The following SYTL2 variants were observed in gnomAD, a reference collection of about 807,000 sequenced individuals.
SYTL2 encodes the protein synaptotagmin-like protein 2.
SYTL2 carries 165 observed loss-of-function variants against 198.7 expected under a neutral mutation model. The observed-to-expected ratio is 0.83, with a 90% CI of 0.73 to 0.94. The LOEUF (loss-of-function observed/expected upper bound fraction) is 0.94, where lower values mean the gene tolerates loss of function less well. SYTL2 is among the 40% of genes least tolerant of loss of function. The probability of loss-of-function intolerance (pLI) is 0.00; values close to 1 mark genes in which losing one functional copy is unlikely to be tolerated. For synonymous variants in SYTL2, 966 were observed against 917.7 expected (o/e 1.05, Z -0.95); for missense variants, 2,835 against 2,582.8 (o/e 1.10, Z -2.12).
chr11:85,817,643 G>A, the SYTL2 span, among the ~76,000 whole-genome samples: 1 of 152,142 alleles, frequency 6.6e-6, no homozygotes, highest in Non-Finnish European at 1.5e-5. Context: ...CTTGGGAGAA[G>A]AGGCAGTCAG....
intron 1 of SYTL2, among the ~76,000 whole-genome samples, chr11:85,776,700 C>T (rs1433457391): frequency 6.6e-6 from 1 of 152,124 alleles, no homozygotes; most frequent in Non-Finnish European, 1.5e-5. Context: ...AATAGTGATG[C>T]AATAAACATG....
the SYTL2 span, among the ~76,000 whole-genome samples, chr11:85,824,346 A>G: frequency 5.9e-5 from 9 of 152,080 alleles, no homozygotes; most frequent in African/African-American, 2.2e-4. Flanking sequence ...GGAGGGAAGG[A>G]ACATTTATAC....
chr11:85,814,584 G>A (rs2093059350), upstream of SYTL2, among the ~76,000 whole-genome samples: 1 of 152,160 alleles, frequency 6.6e-6, no homozygotes, highest in Non-Finnish European at 1.5e-5. Flanking sequence ...AATATTGTTT[G>A]CAGAATTGAG....
intron 1 of SYTL2, among the ~76,000 whole-genome samples, chr11:85,804,561 T>A (rs1190978689): frequency 3.9e-5 from 6 of 152,162 alleles, no homozygotes; most frequent in African/African-American, 1.4e-4. Context: ...CAATAATAGA[T>A]TATTGTGAGG....
intron 7 of SYTL2, among the ~76,000 whole-genome samples, chr11:85,729,153 AC>A (rs759217616): frequency 3.3e-5 from 5 of 152,124 alleles, no homozygotes; most frequent in Non-Finnish European, 5.9e-5. Flanking sequence ...AGACTTTAAC[AC>A]CCCACTGTCA....
At position 85,810,949 on chromosome 11, in the gene SYTL2, C is replaced by G. The variant is rs2093024113; in HGVS notation, c.-390+5G>C. On this transcript the variant is annotated splice_donor_5th_base_variant and intron_variant, in intron 1 of 19. Transcript: ENST00000359152. ...CCAAGTAGAGACTGGAACCCGAGTG[C>G]GCACCTCCGAGTCGCTGCCGGGCAG... 6.6e-6 allele frequency: 1 copy of G among 152,220 alleles called. No individual in the cohort carries two copies. Among genetic ancestry groups the G allele is most frequent in the African/African-American group, 2.4e-5 (1 of 41,448 alleles). The allele number at this position is 152,220 out of a possible 1,614,324, so 9.4% of individuals were successfully genotyped here.
At chr11:85,773,918 T>C (rs1006451839) in intron 1 of SYTL2, among the ~76,000 whole-genome samples, 1 of 152,016 alleles carries the variant, frequency 6.6e-6, no homozygotes, top group Non-Finnish European at 1.5e-5. Flanking sequence ...ACCATAGTTC[T>C]TAAAAAGGCA....
At chr11:85,752,764 T>G (rs2091590193) in intron 2 of SYTL2, among the ~76,000 whole-genome samples, 1 of 151,706 alleles carries the variant, frequency 6.6e-6, no homozygotes, top group Admixed American at 6.6e-5. Context: ...TTAAGTGGAT[T>G]CAGCTACACT....
chr11:85,772,047 C>T (rs1351126434), intron 1 of SYTL2, among the ~76,000 whole-genome samples: 3 of 152,112 alleles, frequency 2.0e-5, no homozygotes, highest in Non-Finnish European at 4.4e-5. Context: ...GGCCTACAGG[C>T]ATATGACACA....
chr11:85,845,397 A>G, the SYTL2 span, among the ~76,000 whole-genome samples: 1 of 152,336 alleles, frequency 6.6e-6, no homozygotes, highest in East Asian at 1.9e-4. Context: ...ATTGTCTTGA[A>G]TTGCTAAATT....
At chr11:85,823,526 T>G in the SYTL2 span, among the ~76,000 whole-genome samples, 1 of 152,244 alleles carries the variant, frequency 6.6e-6, no homozygotes, top group Non-Finnish European at 1.5e-5. Flanking sequence ...TATTAGTACT[T>G]TAATCCACTT....
At chr11:85,816,786 T>C in the SYTL2 span, among the ~76,000 whole-genome samples, 1 of 152,030 alleles carries the variant, frequency 6.6e-6, no homozygotes, top group Non-Finnish European at 1.5e-5. Flanking sequence ...TGGTGGCACA[T>C]GCCTGTGGTC....
At chr11:85,756,298 T>C (rs189427240) in intron 2 of SYTL2, among the ~76,000 whole-genome samples, 31 of 152,282 alleles carry the variant, frequency 2.0e-4, no homozygotes, top group African/African-American at 6.0e-4. Flanking sequence ...CAGGTGTGCA[T>C]TGCAAGGGAC....
chr11:85,731,118 T>C (rs1442688643), intron 7 of SYTL2, among the ~76,000 whole-genome samples: 3 of 152,188 alleles, frequency 2.0e-5, no homozygotes, highest in Non-Finnish European at 4.4e-5. Context: ...CATTCCATGC[T>C]CATGGATAGG....
chr11:85,818,192 C>T, the SYTL2 span, among the ~76,000 whole-genome samples: 6 of 152,024 alleles, frequency 3.9e-5, no homozygotes, highest in Non-Finnish European at 7.4e-5. Context: ...CGTGAGCCAC[C>T]GTGCCTGGCC....
chr11:85,788,883 C>T (rs558276018), intron 1 of SYTL2, among the ~76,000 whole-genome samples: 1 of 151,828 alleles, frequency 6.6e-6, no homozygotes, highest in African/African-American at 2.4e-5. Context: ...CATTTGGTTG[C>T]TTTACTTCTA....
At chr11:85,729,477 C>T (rs2089582941) in intron 7 of SYTL2, among the ~76,000 whole-genome samples, 1 of 152,176 alleles carries the variant, frequency 6.6e-6, no homozygotes, top group Non-Finnish European at 1.5e-5. Context: ...GAACAACTTG[C>T]TCCTGAGTGA....
At chr11:85,854,175 CTTAT>C in the SYTL2 span, 1 of 152,078 alleles carries the variant, frequency 6.6e-6, no homozygotes, top group Non-Finnish European at 1.5e-5. Flanking sequence ...TGCTATATTA[CTTAT>C]TTCTTAAACA....
At chr11:85,756,533 C>T (rs899702810) in intron 2 of SYTL2, among the ~76,000 whole-genome samples, 3 of 152,094 alleles carry the variant, frequency 2.0e-5, no homozygotes, top group South Asian at 2.1e-4. Context: ...TGATATTGGG[C>T]GAGTCACCTG....
Sources: allele counts gnomAD v4.1 joint callset (sites outside exome capture counted in the v4.1 genomes callset), GRCh38; gene constraint gnomAD v4.1.1; transcripts MANE v1.5; gene names NCBI Gene and HGNC (gene_info 2026-07-23, HGNC 2026-07-21).